The following ZNF248 variants were observed in gnomAD, a reference collection of about 807,000 sequenced individuals.
ZNF248 encodes the protein KRAB protein domain.
In ZNF248, 20 loss-of-function variants were observed where a neutral mutation model predicts 44.3. The ratio of observed to expected loss-of-function variants is 0.45; its 90% CI spans 0.32 to 0.66. The LOEUF (loss-of-function observed/expected upper bound fraction) is 0.66, where lower values mean the gene tolerates loss of function less well. Ranked by LOEUF, ZNF248 falls within the 30% of genes least tolerant of loss-of-function variation. The probability of loss-of-function intolerance (pLI) is 0.04; values close to 1 mark genes in which losing one functional copy is unlikely to be tolerated. For synonymous variants in ZNF248, 224 were observed against 229.0 expected (o/e 0.98, Z 0.20); for missense variants, 654 against 677.0 (o/e 0.97, Z 0.38).
At chr10:37,818,987 G>A (rs570146205) in intron 6 of ZNF248, 51 of 1,007,130 alleles carry the variant, frequency 5.1e-5, no homozygotes, top group Non-Finnish European at 7.1e-5. Flanking sequence ...AAACTCTGGT[G>A]TTAAATTGCA....
chr10:37,853,104 A>G (rs373832679), intron 3 of ZNF248, among the ~76,000 whole-genome samples: 3 of 151,340 alleles, frequency 2.0e-5, no homozygotes, highest in African/African-American at 7.2e-5. Flanking sequence ...TTGGCCTCCC[A>G]AAGTGCTGGG....
At chr10:37,819,378 A>G (rs2053087427) in intron 6 of ZNF248, 1 of 1,339,470 alleles carries the variant, frequency 7.5e-7, no homozygotes, top group Non-Finnish European at 1.1e-6. Flanking sequence ...TGAATCCAGT[A>G]TTCCCTACAT....
intron 3 of ZNF248, among the ~76,000 whole-genome samples, chr10:37,843,864 G>A (rs1339046580): frequency 6.6e-6 from 1 of 151,930 alleles, no homozygotes; most frequent in Non-Finnish European, 1.5e-5. Flanking sequence ...CTGGTATGAG[G>A]AGCAGAACAG....
At chr10:37,790,825 T>C (rs1042604065) in intron 6 of ZNF248, among the ~76,000 whole-genome samples, 23 of 150,134 alleles carry the variant, frequency 1.5e-4, no homozygotes, top group Admixed American at 1.0e-3. Context: ...GAGGCTGAGA[T>C]AGGAACATTG....
At chr10:37,820,173 T>C in intron 6 of ZNF248, 1 of 1,206,996 alleles carries the variant, frequency 8.3e-7, no homozygotes, top group Non-Finnish European at 1.2e-6. Context: ...GTCAGAATTC[T>C]TACTGTTTTC....
the ZNF248 span, among the ~76,000 whole-genome samples, chr10:37,770,088 G>A: frequency 1.3e-5 from 2 of 152,248 alleles, no homozygotes; most frequent in Non-Finnish European, 1.5e-5. Flanking sequence ...ACCTCTTCAA[G>A]GAGAACTACA....
intron 3 of ZNF248, among the ~76,000 whole-genome samples, chr10:37,851,343 G>C (rs1170649880): frequency 6.6e-6 from 1 of 152,152 alleles, no homozygotes; most frequent in African/African-American, 2.4e-5. Context: ...GGTACCAGGG[G>C]AATCTACATT....
intron 6 of ZNF248, among the ~76,000 whole-genome samples, chr10:37,796,594 T>G (rs183156081): frequency 6.6e-6 from 1 of 152,278 alleles, no homozygotes; most frequent in East Asian, 1.9e-4. Context: ...TCACAGCTTT[T>G]TATGAGTGCT....
intron 6 of ZNF248, among the ~76,000 whole-genome samples, chr10:37,777,702 C>G (rs1368126714): frequency 1.6e-5 from 2 of 121,282 alleles, no homozygotes; most frequent in African/African-American, 6.5e-5. Flanking sequence ...CACCCCACAA[C>G]AGTCCCCAGA....
chr10:37,800,293 A>C (rs1381673261), intron 6 of ZNF248, among the ~76,000 whole-genome samples: 1 of 152,082 alleles, frequency 6.6e-6, no homozygotes, highest in Non-Finnish European at 1.5e-5. Flanking sequence ...AACAGTCCCC[A>C]GTGTCTATTG....
Position 37,837,984 on chromosome 10 carries a change from C to T in ZNF248, c.142+1G>A. ...GCCATGTGCGGAAAAAAACTCCTTA[C>T]CTACTGAGACAAGATTGCTATAATT... On this transcript the variant is annotated splice_donor_variant, in intron 4 of 5. Transcript: ENST00000395867. LOFTEE classifies it high-confidence loss of function. 2 of 1,612,810 alleles carry T rather than the reference C, an allele frequency of 1.2e-6. No individual in the cohort carries two copies. The highest frequency in any genetic ancestry group is 1.7e-6 in the Non-Finnish European group (2 of 1,179,252).
chr10:37,796,087 T>C (rs1451803649), intron 6 of ZNF248: 1 of 152,214 alleles, frequency 6.6e-6, no homozygotes, highest in East Asian at 1.9e-4. Context: ...TTCTTCTTAA[T>C]TGGTTATAGT....
At chr10:37,814,187 G>A (rs552612660) in intron 6 of ZNF248, among the ~76,000 whole-genome samples, 12 of 151,810 alleles carry the variant, frequency 7.9e-5, no homozygotes, top group Non-Finnish European at 1.6e-4. Context: ...GTTCTCTACA[G>A]CTGTTTTGTT....
At chr10:37,762,113 G>A in the ZNF248 span, among the ~76,000 whole-genome samples, 2 of 152,164 alleles carry the variant, frequency 1.3e-5, no homozygotes. Context: ...CAAAATTAGG[G>A]TGAACTAATA....
At position 37,828,877 on chromosome 10, in the gene ZNF248, T is replaced by C; in HGVS notation, c.*2738A>G. 1.0e-6 allele frequency: 1 copy of C among 985,430 alleles called. No individual in the cohort carries two copies. The highest frequency in any genetic ancestry group is 1.2e-6 in the Non-Finnish European group (1 of 829,926). The allele number at this position is 985,430 out of a possible 1,614,324, so 61.0% of individuals were successfully genotyped here. ...TAATGTAATTTAATATAATGTCTGC[T>C]TCACACATGTTGAAGGAGAGACATA... On this transcript the variant is annotated 3_prime_UTR_variant, in exon 6 of 6. Coordinates refer to ENST00000395867, the MANE Select transcript of ZNF248 (RefSeq NM_021045.3).
chr10:37,762,053 T>C, the ZNF248 span, among the ~76,000 whole-genome samples: 1 of 152,178 alleles, frequency 6.6e-6, no homozygotes, highest in African/African-American at 2.4e-5. Context: ...TTGTATTGTC[T>C]CAAATCTCAT....
rs73238278 is a variant in ZNF248 at position 37,846,742 on chromosome 10, A to G, written c.16-8631T>C. On this transcript the variant is annotated intron_variant, in intron 3 of 5. Transcript: ENST00000395867. ...ATCTATGATAAATTCTTAGCAAAAC[A>G]TAAGCATCAATCAGGATTAAGTTCA... is the stretch of plus-strand genomic sequence containing the variant. Among the ~76,000 whole-genome samples the G allele has an allele frequency of 4.0e-3, 616 of 152,354 alleles. 6 individuals are homozygous for G. The highest frequency in any genetic ancestry group is 0.014 in the African/African-American group (590 of 41,588).
At chr10:37,770,940 C>A in the ZNF248 span, among the ~76,000 whole-genome samples, 12 of 152,118 alleles carry the variant, frequency 7.9e-5, no homozygotes, top group African/African-American at 2.9e-4. Context: ...AAACAAACAA[C>A]CCCATCAAAA....
intron 6 of ZNF248, among the ~76,000 whole-genome samples, chr10:37,798,393 A>C (rs749195799): frequency 1.3e-5 from 2 of 152,134 alleles, no homozygotes; most frequent in Admixed American, 6.5e-5. Context: ...AACTATATGA[A>C]TATACTAAAA....
Sources: allele counts gnomAD v4.1 joint callset (sites outside exome capture counted in the v4.1 genomes callset), GRCh38; gene constraint gnomAD v4.1.1; transcripts MANE v1.5; gene names NCBI Gene and HGNC (gene_info 2026-07-23, HGNC 2026-07-21).